The following EDRF1 variants were observed in gnomAD, a reference collection of about 807,000 sequenced individuals.
EDRF1 encodes the protein erythroid differentiation-related factor 1.
Under a neutral mutation model 148.7 loss-of-function variants are expected in EDRF1, and 69 were observed. The observed-to-expected ratio is 0.46, with a 90% CI of 0.38 to 0.57. The LOEUF is 0.57. EDRF1 is among the 20% of genes least tolerant of loss of function. The pLI, the probability that EDRF1 is intolerant of heterozygous loss-of-function variation, is 0.00. For missense variants in EDRF1, 1,118 were observed against 1,478.7 expected (o/e 0.76, Z 4.00); for synonymous variants, 515 against 532.8 (o/e 0.97, Z 0.46).
intron 18 of EDRF1, among the ~76,000 whole-genome samples, chr10:125,744,486 T>G (rs1849230564): frequency 6.6e-6 from 1 of 152,236 alleles, no homozygotes; most frequent in African/African-American, 2.4e-5. Context: ...ACCCAGCCTG[T>G]GTGCCTGTTG....
At chr10:125,747,277 CAGAA>C in intron 19 of EDRF1, 1 of 484,276 alleles carries the variant, frequency 2.1e-6, no homozygotes, top group South Asian at 2.5e-5. Flanking sequence ...CAGCCTGAGT[CAGAA>C]AGCAGCAGCA....
Position 125,725,696 on chromosome 10 carries a change from G to C in EDRF1, c.650G>C (p.Gly217Ala). The C allele has an allele frequency of 6.2e-7, 1 of 1,613,974 alleles. No individual in the cohort carries two copies. Residue 217 changes from glycine to alanine, a missense_variant, in exon 6 of 25, where the codon GGA (glycine) becomes GCA (alanine). Physicochemically the swap from Gly to Ala is moderately conservative, Grantham distance 60. This residue lies in a region of EDRF1 where 954 missense variants were observed against 1,241.4 expected (regional missense o/e 0.77). Coordinates refer to ENST00000356792, the MANE Select transcript of EDRF1 (RefSeq NM_001202438.2). ...KFLYYSINGD[G>A]AAQPVSSTAE... ...GGTTTGGCCAGTATCAATGGTGATGGAGCCGCTCAGCCTGTCTCATCCACC... is the reference window on the plus strand; with the variant it reads ...GGTTTGGCCAGTATCAATGGTGATGCAGCCGCTCAGCCTGTCTCATCCACC...
intron 6 of EDRF1, among the ~76,000 whole-genome samples, chr10:125,727,734 A>C (rs894751860): frequency 6.6e-6 from 1 of 152,218 alleles, no homozygotes; most frequent in Non-Finnish European, 1.5e-5. Context: ...AGTAAGACAG[A>C]TGTTTGTGGA....
rs948588020 is a variant in EDRF1, at chr10:125,719,785, A to G, written c.-23A>G. The G allele has an allele frequency of 5.0e-6, 8 of 1,596,212 alleles. No individual in the cohort carries two copies. Among genetic ancestry groups the G allele is most frequent in the African/African-American group, 2.7e-5 (2 of 74,534 alleles). ...TGCTGCTCCTCCGCTCCCCCGTCGTATCGCCTGCCCTGGATCGAAGTGATG... is the reference window on the plus strand; with the variant it reads ...TGCTGCTCCTCCGCTCCCCCGTCGTGTCGCCTGCCCTGGATCGAAGTGATG... On this transcript the variant is annotated 5_prime_UTR_variant, in exon 1 of 25. Coordinates refer to ENST00000356792, the MANE Select transcript of EDRF1 (RefSeq NM_001202438.2).
At chr10:125,721,699 T>C (rs1168523300) in intron 2 of EDRF1, among the ~76,000 whole-genome samples, 1 of 152,268 alleles carries the variant, frequency 6.6e-6, no homozygotes, top group Non-Finnish European at 1.5e-5. Context: ...TTTAGCCAAT[T>C]TGCATACCTT....
At position 125,763,550 on chromosome 10, in the gene EDRF1, A is replaced by C. The variant is rs989196896; in HGVS notation, c.*78A>C. On this transcript the variant is annotated 3_prime_UTR_variant, in exon 25 of 25. Transcript: ENST00000356792. The surrounding 1 kb of genome is among the most constrained non-coding windows in gnomAD (Gnocchi z 4.3). ...GTTTGTTCATTCGGTGCTTTGTTTC[A>C]TTAAATAATAGGGAAATATCCATTT... The C allele has an allele frequency of 1.0e-4, 148 of 1,431,818 alleles. No individual in the cohort carries two copies. The highest frequency in any genetic ancestry group is 1.9e-4 in the Middle Eastern group (1 of 5,208). The allele number at this position is 1,431,818 out of a possible 1,614,324, so 88.7% of individuals were successfully genotyped here.
At chr10:125,762,113 G>T (rs1850219811) in intron 24 of EDRF1, among the ~76,000 whole-genome samples, 1 of 152,176 alleles carries the variant, frequency 6.6e-6, no homozygotes, top group Non-Finnish European at 1.5e-5. Flanking sequence ...AGGCAGCGAT[G>T]GGGATCCTGT....
At chr10:125,758,303 A>G (rs1013180871) in intron 24 of EDRF1, among the ~76,000 whole-genome samples, 1 of 152,136 alleles carries the variant, frequency 6.6e-6, no homozygotes, top group African/African-American at 2.4e-5. Context: ...TAAATTCCCT[A>G]TGAGATAGTT....
intron 13 of EDRF1, 80 bp from the exon 14 acceptor site, chr10:125,737,838 T>A: frequency 7.3e-7 from 1 of 1,378,308 alleles, no homozygotes; most frequent in Non-Finnish European, 1.0e-6. Context: ...ATGCTTACAG[T>A]AATTTAATCT....
intron 23 of EDRF1, among the ~76,000 whole-genome samples, chr10:125,753,255 C>G (rs1357031216): frequency 6.6e-6 from 1 of 152,192 alleles, no homozygotes; most frequent in African/African-American, 2.4e-5. Flanking sequence ...CTAATTTCCA[C>G]TAGAATGCCT....
Position 125,763,434 on chromosome 10 carries a change from G to GCCGC in EDRF1, c.3681_3684dup (p.Gly1229ArgfsTer41), listed in dbSNP as rs757103767. ...TATCGTCCACCTGCTGGGCCAGCTT[G>GCCGC]CCGCCGGCAGTGCAGCGAGCAGCAA... On this transcript the variant is annotated frameshift_variant, in exon 25 of 25. Transcript: ENST00000356792. LOFTEE classifies it low-confidence loss of function (END_TRUNC). This position sits in a 1 kb window ranked among gnomAD's most constrained non-coding sequence, Gnocchi z 4.3. 1 of 1,610,280 alleles carries GCCGC rather than the reference G, an allele frequency of 6.2e-7. No individual in the cohort carries two copies. The highest frequency in any genetic ancestry group is 1.1e-5 in the South Asian group (1 of 91,088).
intron 24 of EDRF1, among the ~76,000 whole-genome samples, chr10:125,757,330 TATG>T (rs1849952931): frequency 6.6e-6 from 1 of 152,232 alleles, no homozygotes; most frequent in Admixed American, 6.5e-5. Context: ...CTTCAAGTAA[TATG>T]ATACTGCTTT....
chr10:125,729,565 T>C, intron 8 of EDRF1, 86 bp downstream of exon 8: 1 of 1,545,714 alleles, frequency 6.5e-7, no homozygotes, highest in Non-Finnish European at 8.9e-7. Flanking sequence ...GAGGTTGCAG[T>C]GAGCCAAGAT....
Position 125,734,090 on chromosome 10 carries a change from G to C in EDRF1, c.1404G>C (p.Met468Ile), listed in dbSNP as rs781699483. Residue 468 changes from methionine (M) to isoleucine (I), a missense_variant, in exon 12 of 25, where the codon ATG becomes ATC. Physicochemically the swap from Met to Ile is conservative, Grantham distance 10. Coordinates refer to ENST00000356792, the MANE Select transcript of EDRF1 (RefSeq NM_001202438.2). ...ILLYKVACNM[M>I]MKKNQNKKHY... ...TTTTTAGGGTTGCTTGCAACATGAT[G>C]ATGAAGAAGAATCAAAATAAGAAAC... 6.2e-7 allele frequency: 1 copy of C among 1,613,078 alleles called. No individual in the cohort carries two copies. Among genetic ancestry groups the C allele is most frequent in the Non-Finnish European group, 8.5e-7 (1 of 1,179,170 alleles).
chr10:125,757,663 ATTCT>A (rs1159666035), intron 24 of EDRF1, among the ~76,000 whole-genome samples: 4 of 152,292 alleles, frequency 2.6e-5, no homozygotes, highest in Admixed American at 2.0e-4. Context: ...GAGAGTTTTT[ATTCT>A]TTTTTCAGTC....
chr10:125,721,969 G>T (rs1050874935), intron 2 of EDRF1, among the ~76,000 whole-genome samples: 1 of 152,164 alleles, frequency 6.6e-6, no homozygotes, highest in African/African-American at 2.4e-5. Flanking sequence ...AATGTGTAGG[G>T]TTCTCTTTTC....
Position 125,741,119 on chromosome 10 carries a change from A to G in EDRF1, c.2289A>G (p.Ala763=), listed in dbSNP as rs1564742821. Residue 763 remains alanine, a synonymous_variant, in exon 17 of 25, where the codon GCA becomes GCG. Transcript: ENST00000356792. ...LMLAQNANNR[A]AHLEEFHYQT... Reference sequence around the variant, plus strand: ...TGGCCCAGAATGCAAATAATAGAGCAGCACACCTTGAAGAGTTTCATTACC... The same window carrying G: ...TGGCCCAGAATGCAAATAATAGAGCGGCACACCTTGAAGAGTTTCATTACC... 1.9e-6 allele frequency: 3 copies of G among 1,614,182 alleles called. No homozygotes were observed. The highest frequency in any genetic ancestry group is 2.5e-6 in the Non-Finnish European group (3 of 1,180,040).
Position 125,738,312 on chromosome 10 carries a change from T to C in EDRF1, c.1848T>C (p.Asp616=), listed in dbSNP as rs1482216990. 12 of 1,614,100 alleles carry C rather than the reference T, an allele frequency of 7.4e-6. No individual in the cohort carries two copies. The highest frequency in any genetic ancestry group is 1.0e-5 in the Non-Finnish European group (12 of 1,179,974). The change falls in exon 15 of 25, where the codon GAT becomes GAC. Residue 616 remains aspartate, a synonymous_variant. Transcript: ENST00000356792. The stretch of plus-strand genomic sequence containing the variant: ...TTTTGCAGGGTTTAAAATCTGTCGA[T>C]AGCAGCATCAAAAAAGAAAGCGACC... The part of the protein sequence containing the change: ...SYVLEGLKSV[D]SSIKKESDLP...
rs957381477 is a variant in EDRF1, at chr10:125,729,274, T to C, written c.895-84T>C. On this transcript the variant is annotated intron_variant, in intron 7 of 24. Coordinates refer to ENST00000356792, the MANE Select transcript of EDRF1 (RefSeq NM_001202438.2). ...GGCCTGACTTTGTCTTCTTTGTCTC[T>C]TCCTTTTTCTAGTCTTTTTATGGAT... 3.9e-6 allele frequency: 6 copies of C among 1,556,492 alleles called. No individual in the cohort carries two copies. The African/African-American group carries it at 8.1e-5, about 21-fold the overall frequency.
Sources: allele counts gnomAD v4.1 joint callset (sites outside exome capture counted in the v4.1 genomes callset), GRCh38; gene constraint gnomAD v4.1.1; regional missense constraint gnomAD v4.1.1; non-coding constraint Gnocchi (gnomAD v3.1); transcripts MANE v1.5; gene names NCBI Gene and HGNC (gene_info 2026-07-23, HGNC 2026-07-21).